The following PHF3 variants were observed in gnomAD, a reference collection of about 807,000 sequenced individuals.
PHF3 encodes PHD finger protein 3.
In PHF3, 41 loss-of-function variants were observed where a neutral mutation model predicts 178.4. The observed-to-expected ratio is 0.23, with a 90% CI of 0.18 to 0.30. PHF3 has a LOEUF of 0.30. Among genes scored for constraint, PHF3 ranks in the 10% least tolerant of loss-of-function variants. The pLI, the probability that PHF3 is intolerant of heterozygous loss-of-function variation, is 1.00. For synonymous variants in PHF3, 842 were observed against 800.5 expected, an observed-to-expected ratio of 1.05 and a Z score of -0.88; for missense variants, 2,346 against 2,398.1, an observed-to-expected ratio of 0.98 and a Z score of 0.45.
chr6:63,652,943 A>G (rs1030324595), intron 2 of PHF3, among the ~76,000 whole-genome samples: 5 of 149,162 alleles, frequency 3.4e-5, no homozygotes, highest in Admixed American at 6.7e-5. Flanking sequence ...GCTTTGTAGT[A>G]TATTTTGAAG....
At chr6:63,679,490 T>A (rs1203477593) in intron 2 of PHF3, among the ~76,000 whole-genome samples, 1 of 145,394 alleles carries the variant, frequency 6.9e-6, no homozygotes, top group Admixed American at 6.8e-5. Context: ...TTTCTTCCTG[T>A]TTTTTTTTTC....
At chr6:63,692,533 TTCC>T (rs1767051556) in intron 5 of PHF3, among the ~76,000 whole-genome samples, 1 of 152,238 alleles carries the variant, frequency 6.6e-6, no homozygotes, top group African/African-American at 2.4e-5. Flanking sequence ...TAAATTTTCT[TTCC>T]TCATTGTCTA....
rs1269078374 is a variant in PHF3, at chr6:63,692,028, C to T, written c.2481C>T (p.Val827=). ...TAGATGATACAGTGAAGCACAAGGT[C>T]AAAATTTTAAAACGGGTGAGCTCTT... ...KYIDDTVKHK[V]KILKRESGEG... Residue 827 remains valine (V), a synonymous_variant, in exon 5 of 16, where the codon GTC becomes GTT. Transcript: ENST00000262043. 6.2e-7 allele frequency: 1 copy of T among 1,604,202 alleles called. No individual in the cohort carries two copies. Among genetic ancestry groups the T allele is most frequent in the African/African-American group, 1.3e-5 (1 of 74,572 alleles).
chr6:63,678,976 G>T (rs1766305280), intron 2 of PHF3: 2 of 279,216 alleles, frequency 7.2e-6, no homozygotes, highest in South Asian at 3.7e-5. Flanking sequence ...TACAGAGTGA[G>T]TTCTCATACA....
At chr6:63,662,063 A>G (rs140767936) in intron 2 of PHF3, among the ~76,000 whole-genome samples, 13 of 152,194 alleles carry the variant, frequency 8.5e-5, no homozygotes, top group African/African-American at 2.6e-4. Flanking sequence ...CGCGAACCCT[A>G]TTGTGAACTC....
At chr6:63,674,883 C>T (rs1017876945) in intron 2 of PHF3, among the ~76,000 whole-genome samples, 4 of 152,160 alleles carry the variant, frequency 2.6e-5, no homozygotes, top group African/African-American at 9.7e-5. Context: ...TGAAGAGTCC[C>T]TCCTGTTACT....
At chr6:63,698,719 C>A in intron 8 of PHF3, 114 bp downstream of exon 8, 2 of 740,062 alleles carry the variant, frequency 2.7e-6, no homozygotes, top group Non-Finnish European at 4.1e-6. Context: ...TTATAATTTG[C>A]TTTTGATGTA....
rs114169461 is a variant in PHF3 at position 63,718,177 on chromosome 6, T to G, written c.*4469T>G. Among the ~76,000 whole-genome samples the G allele has an allele frequency of 0.012, 1,799 of 152,166 alleles. 28 individuals are homozygous for G. Among genetic ancestry groups the G allele is most frequent in the African/African-American group, 0.042 (1,728 of 41,556 alleles). ...CAGTTTTCAGTTCTTAAATATTGTCTGCCTATTCTGCAAGCACAATTTTCT... is the reference window on the plus strand; with the variant it reads ...CAGTTTTCAGTTCTTAAATATTGTCGGCCTATTCTGCAAGCACAATTTTCT... On this transcript the variant is annotated 3_prime_UTR_variant, in exon 16 of 16. Coordinates refer to ENST00000262043, the MANE Select transcript of PHF3 (RefSeq NM_001370348.2).
At position 63,693,340 on chromosome 6, in the gene PHF3, G is replaced by C. The variant is rs1206721388; in HGVS notation, c.2497-1241G>C. ...CTTAAAAAGACATCATAAAGGCTGA[G>C]TGCAGTGGCTCACACCTGTAATCCT... On this transcript the variant is annotated intron_variant, in intron 5 of 15. Transcript: ENST00000262043. Among the ~76,000 whole-genome samples the C allele has an allele frequency of 2.0e-5, 3 of 152,338 alleles. No individual in the cohort carries two copies. In the South Asian group the frequency reaches 6.2e-4, roughly 32 times the overall value.
At position 63,714,799 on chromosome 6, in the gene PHF3, G is replaced by A. The variant is rs536499408; in HGVS notation, c.*1091G>A. ...GACCGCAGAACTTGAAGAGAAATAT[G>A]TTTTGAATCCTTTTATAAAATGTGC... is the stretch of plus-strand genomic sequence containing the variant. On this transcript the variant is annotated 3_prime_UTR_variant, in exon 16 of 16. Coordinates refer to ENST00000262043, the MANE Select transcript of PHF3 (RefSeq NM_001370348.2). The A allele has an allele frequency of 6.6e-6, 1 of 151,972 alleles. No individual in the cohort carries two copies. The highest frequency in any genetic ancestry group is 6.6e-5 in the Admixed American group (1 of 15,250). 9.4% of individuals were successfully genotyped at this position (151,972 alleles called of 1,614,324 possible).
chr6:63,652,143 T>G (rs529502651), intron 2 of PHF3, among the ~76,000 whole-genome samples: 1 of 152,314 alleles, frequency 6.6e-6, no homozygotes, highest in Admixed American at 6.5e-5. Context: ...CAGTACTGAT[T>G]TACATTCCCT....
At chr6:63,674,172 A>G (rs1766048258) in intron 2 of PHF3, among the ~76,000 whole-genome samples, 1 of 151,704 alleles carries the variant, frequency 6.6e-6, no homozygotes, top group Non-Finnish European at 1.5e-5. Flanking sequence ...TCTTTTAAAA[A>G]TCTGAAATTA....
In PHF3 at chr6:63,716,997, G is replaced by A. The variant is rs1168886280; in HGVS notation, c.*3289G>A. On this transcript the variant is annotated 3_prime_UTR_variant, in exon 16 of 16. Coordinates refer to ENST00000262043, the MANE Select transcript of PHF3 (RefSeq NM_001370348.2). ...ATTGGGGTGTAGACATCTTTTGGGG[G>A]ATTATCATCTACCAACAGCCCTTGA... Among the ~76,000 whole-genome samples the A allele has an allele frequency of 6.6e-6, 1 of 151,756 alleles. No homozygotes were observed. The highest frequency in any genetic ancestry group is 1.5e-5 in the Non-Finnish European group (1 of 67,932).
In PHF3 at chr6:63,684,183, C is replaced by G; in HGVS notation, c.461C>G (p.Pro154Arg). The change falls in exon 4 of 16, where the codon CCA becomes CGA. Residue 154 changes from proline to arginine, a missense_variant. Physicochemically the swap from Pro to Arg is moderately radical, Grantham distance 103. Transcript: ENST00000262043. ...ATTGCCAAGCGTTCAAATGCAGCACCATTAAGTAACACAAAAAAAGCATCT... is the reference window on the plus strand; with the variant it reads ...ATTGCCAAGCGTTCAAATGCAGCACGATTAAGTAACACAAAAAAAGCATCT... ...STIAKRSNAA[P>R]LSNTKKASGK... 6.2e-7 allele frequency: 1 copy of G among 1,613,758 alleles called. No individual in the cohort carries two copies. Among genetic ancestry groups the G allele is most frequent in the South Asian group, 1.1e-5 (1 of 91,066 alleles).
At chr6:63,670,517 A>G (rs1765870522) in intron 2 of PHF3, among the ~76,000 whole-genome samples, 1 of 151,822 alleles carries the variant, frequency 6.6e-6, no homozygotes, top group Admixed American at 6.6e-5. Context: ...CGATCTCCTG[A>G]CCTTGTGATC....
chr6:63,669,062 T>G (rs1039048254), intron 2 of PHF3, among the ~76,000 whole-genome samples: 4 of 152,226 alleles, frequency 2.6e-5, no homozygotes, highest in Non-Finnish European at 5.9e-5. Flanking sequence ...TTGATCATGC[T>G]TTAAATTAAA....
chr6:63,651,130 C>T (rs866673667), intron 2 of PHF3, among the ~76,000 whole-genome samples: 30 of 151,856 alleles, frequency 2.0e-4, no homozygotes, highest in African/African-American at 6.8e-4. Flanking sequence ...CATAATTGTA[C>T]GTATTTGTGG....
chr6:63,712,855 G>A lies in PHF3; in HGVS notation c.5267G>A (p.Arg1756Lys), dbSNP rs532407929. The change falls in exon 16 of 16, where the codon AGA (arginine) becomes AAA (lysine). Residue 1756 changes from arginine to lysine, a missense_variant. By Grantham distance (26) the Arg-to-Lys change is conservative. This residue lies in a region of PHF3 where 839 missense variants were observed against 806.9 expected (regional missense o/e 1.04). Coordinates refer to ENST00000262043, the MANE Select transcript of PHF3 (RefSeq NM_001370348.2). The part of the protein sequence containing the change: ...QNIETVHPFR[R>K]GSAVATSHFE... ...ATTGAAACTGTGCACCCATTTCGAA[G>A]AGGATCAGCAGTAGCGACATCTCAT... 4 of 1,614,034 alleles carry A rather than the reference G, an allele frequency of 2.5e-6. No homozygotes were observed. The South Asian group carries it at 3.3e-5, about 13-fold the overall frequency.
intron 2 of PHF3, among the ~76,000 whole-genome samples, chr6:63,673,035 T>C (rs1765987236): frequency 1.3e-5 from 2 of 152,206 alleles, no homozygotes; most frequent in Admixed American, 1.3e-4. Flanking sequence ...TGTTCACTGC[T>C]CAGTAAAGCT....
Sources: gnomAD v4.1 joint callset for allele counts (sites outside exome capture counted in the v4.1 genomes callset) on GRCh38, gnomAD v4.1.1 for gene constraint, gnomAD v4.1.1 regional missense constraint, MANE v1.5 for transcripts, NCBI Gene and HGNC (gene_info 2026-07-23, HGNC 2026-07-21) for gene names.